Variants in GLI3 observed in about 807,000 individuals in gnomAD.
GLI3 encodes the protein transcription activator GLI3.
GLI3 carries 20 observed loss-of-function variants against 100.8 expected under a neutral mutation model. The observed-to-expected ratio is 0.20, with a 90% CI of 0.14 to 0.29. The LOEUF is 0.29. Ranked by LOEUF, GLI3 falls within the 10% of genes least tolerant of loss-of-function variation. GLI3 has a pLI of 1.00. For synonymous variants in GLI3, 938 were observed against 860.5 expected (o/e 1.09, Z -1.58); for missense variants, 2,040 against 2,128.5 (o/e 0.96, Z 0.82).
chr7:41,967,620 C>A lies in GLI3; in HGVS notation c.2407G>T (p.Ala803Ser), dbSNP rs779956431. ...CCATTTCCTATGAGAGGAGAGACCGCAGGGGCTTTAGGGGGTAGAATGGGG... is the reference window on the plus strand; with the variant it reads ...CCATTTCCTATGAGAGGAGAGACCGAAGGGGCTTTAGGGGGTAGAATGGGG... ...LNPILPPKAP[A>S]VSPLIGNGTQ... The change falls in exon 14 of 15, where the codon GCG becomes TCG. Residue 803 changes from alanine to serine, a missense_variant. This residue lies in a region of GLI3 where 327 missense variants were observed against 338.7 expected (regional missense o/e 0.97). Transcript: ENST00000395925. 6.2e-6 allele frequency: 10 copies of A among 1,613,642 alleles called. No homozygotes were observed. The East Asian group carries it at 2.0e-4, about 32-fold the overall frequency.
chr7:42,020,842 A>G (rs1020004514), intron 10 of GLI3, among the ~76,000 whole-genome samples: 8 of 148,460 alleles, frequency 5.4e-5, no homozygotes, highest in Non-Finnish European at 1.0e-4. Flanking sequence ...GTGAGCCGAG[A>G]TCGCGCCACT....
intron 10 of GLI3, among the ~76,000 whole-genome samples, chr7:42,022,990 T>C (rs1395310186): frequency 6.6e-6 from 1 of 152,212 alleles, no homozygotes; most frequent in Non-Finnish European, 1.5e-5. Flanking sequence ...CAAGAAATTA[T>C]GCTACCTAGC....
At chr7:42,060,934 C>T (rs867003289) in intron 4 of GLI3, among the ~76,000 whole-genome samples, 1 of 152,164 alleles carries the variant, frequency 6.6e-6, no homozygotes, top group Non-Finnish European at 1.5e-5. Flanking sequence ...GGGAAAATGA[C>T]TCTAACATAC....
intron 3 of GLI3, among the ~76,000 whole-genome samples, chr7:42,120,154 C>T (rs540089945): frequency 6.6e-6 from 1 of 152,306 alleles, no homozygotes; most frequent in African/African-American, 2.4e-5. Flanking sequence ...TTAGCAGCCC[C>T]ACTGCCCTGA....
intron 7 of GLI3, among the ~76,000 whole-genome samples, chr7:42,039,732 A>C (rs1784091198): frequency 6.6e-6 from 1 of 152,242 alleles, no homozygotes; most frequent in Non-Finnish European, 1.5e-5. Context: ...TATTACAAGG[A>C]AAAGGCTGGA....
intron 3 of GLI3, among the ~76,000 whole-genome samples, chr7:42,092,538 A>G (rs1785245964): frequency 6.6e-6 from 1 of 152,136 alleles, no homozygotes; most frequent in African/African-American, 2.4e-5. Context: ...TGAGCAGGTT[A>G]AAGTCTGGGC....
At chr7:42,086,835 C>T (rs1397962079) in intron 3 of GLI3, among the ~76,000 whole-genome samples, 1 of 152,180 alleles carries the variant, frequency 6.6e-6, no homozygotes, top group African/African-American at 2.4e-5. Flanking sequence ...CTGCCTTGCC[C>T]TCTGACGGCC....
intron 8 of GLI3, among the ~76,000 whole-genome samples, chr7:42,025,943 A>T (rs1364293043): frequency 6.6e-6 from 1 of 152,264 alleles, no homozygotes; most frequent in Non-Finnish European, 1.5e-5. Context: ...GCACCAGGTC[A>T]CAGTGAAGCC....
chr7:42,107,226 G>C (rs1350633776), intron 3 of GLI3, among the ~76,000 whole-genome samples: 2 of 152,102 alleles, frequency 1.3e-5, no homozygotes, highest in African/African-American at 4.8e-5. Context: ...AGCTACTCAG[G>C]AGGCTGAAGT....
chr7:41,969,537 G>A (rs1353858443), intron 13 of GLI3, among the ~76,000 whole-genome samples: 3 of 152,160 alleles, frequency 2.0e-5, no homozygotes, highest in African/African-American at 7.2e-5. Context: ...ATACAAATTT[G>A]ATCGTGAGTA....
intron 10 of GLI3, among the ~76,000 whole-genome samples, chr7:42,021,747 G>C (rs888817585): frequency 6.6e-6 from 1 of 152,118 alleles, no homozygotes; most frequent in Non-Finnish European, 1.5e-5. Context: ...CCATGAGACT[G>C]TCACCTTCAG....
chr7:42,028,472 AG>A (rs1358056252), intron 7 of GLI3, among the ~76,000 whole-genome samples: 1 of 152,134 alleles, frequency 6.6e-6, no homozygotes, highest in South Asian at 2.1e-4. Flanking sequence ...ATTTTAAAAA[AG>A]ATGTAGGAGG....
At position 41,961,725 on chromosome 7, in the gene GLI3, A is replaced by G. The variant is rs988100047; in HGVS notation, c.*2605T>C. The stretch of plus-strand genomic sequence containing the variant: ...TTGGAGGCTGGGGGTGAGTCTCAAG[A>G]TATGAGATGCCTAGCCTACAGAGAT... On this transcript the variant is annotated 3_prime_UTR_variant, in exon 15 of 15. Transcript: ENST00000395925. 6.6e-6 allele frequency: 1 copy of G among 152,124 alleles called. No individual in the cohort carries two copies. Among genetic ancestry groups the G allele is most frequent in the Non-Finnish European group, 1.5e-5 (1 of 68,020 alleles). The allele number at this position is 152,124 out of a possible 1,614,324, so 9.4% of individuals were successfully genotyped here. A position where few individuals can be genotyped will look rare whatever the true frequency, so the allele number is the denominator to read the frequency against.
intron 13 of GLI3, among the ~76,000 whole-genome samples, chr7:41,971,541 C>T (rs1240383589): frequency 6.6e-6 from 1 of 152,164 alleles, no homozygotes; most frequent in Non-Finnish European, 1.5e-5. Flanking sequence ...GAAAGAGTAG[C>T]AGAGCCCACA....
intron 10 of GLI3, among the ~76,000 whole-genome samples, chr7:41,980,983 T>TAAGTC (rs1238578110): frequency 1.3e-5 from 2 of 152,240 alleles, no homozygotes; most frequent in Non-Finnish European, 2.9e-5. Context: ...AATGGGATCA[T>TAAGTC]AAGTCAGTGT....
intron 3 of GLI3, among the ~76,000 whole-genome samples, chr7:42,138,443 CCCACTTGG>C (rs1786483403): frequency 1.3e-5 from 2 of 152,192 alleles, no homozygotes; most frequent in African/African-American, 4.8e-5. Flanking sequence ...AAAAGGTCAA[CCCACTTGG>C]TCAGGTTCAC....
At chr7:42,122,414 G>A (rs977650609) in intron 3 of GLI3, among the ~76,000 whole-genome samples, 1 of 152,044 alleles carries the variant, frequency 6.6e-6, no homozygotes, top group Non-Finnish European at 1.5e-5. Flanking sequence ...AGACTGTTCT[G>A]TGCCTCAGGT....
intron 2 of GLI3, among the ~76,000 whole-genome samples, chr7:42,161,068 G>A (rs898813248): frequency 1.2e-4 from 18 of 152,026 alleles, no homozygotes; most frequent in African/African-American, 3.9e-4. Context: ...AAATTTTCCC[G>A]AGGAATACAT....
At chr7:42,152,514 G>T in intron 2 of GLI3, 1 of 689,468 alleles carries the variant, frequency 1.5e-6, no homozygotes, top group Non-Finnish European at 1.8e-6. Context: ...ATTAAAAGTG[G>T]TTGGAGCCAT....
Sources: allele counts gnomAD v4.1 joint callset (sites outside exome capture counted in the v4.1 genomes callset), GRCh38; gene constraint gnomAD v4.1.1; regional missense constraint gnomAD v4.1.1; transcripts MANE v1.5; gene names NCBI Gene and HGNC (gene_info 2026-07-23, HGNC 2026-07-21).